PEBP4: variants seen among roughly 807,000 people sequenced by gnomAD.
PEBP4 encodes phosphatidylethanolamine binding protein 4.
In PEBP4, 22 loss-of-function variants were observed where a neutral mutation model predicts 23.9. The observed-to-expected ratio is 0.92, with a 90% CI of 0.66 to 1.31. The LOEUF is 1.31. Ranked by LOEUF, PEBP4 falls within the 40% of genes most tolerant of loss-of-function variation. The probability of loss-of-function intolerance (pLI) is 0.00; values close to 1 mark genes in which losing one functional copy is unlikely to be tolerated. For missense variants in PEBP4, 324 were observed against 281.7 expected (o/e 1.15, Z -1.07); for synonymous variants, 112 against 99.3 (o/e 1.13, Z -0.76).
chr8:22,849,473 C>T (rs1807507469), intron 3 of PEBP4, among the ~76,000 whole-genome samples: 1 of 152,200 alleles, frequency 6.6e-6, no homozygotes, highest in African/African-American at 2.4e-5. Context: ...GAAGACATGG[C>T]AACTTGGTAT....
chr8:22,782,298 G>A (rs944564069), intron 4 of PEBP4, among the ~76,000 whole-genome samples: 1 of 152,236 alleles, frequency 6.6e-6, no homozygotes, highest in Non-Finnish European at 1.5e-5. Context: ...GAGCAATCAT[G>A]TGAGCTATAA....
chr8:22,762,240 C>A (rs1356015891), intron 4 of PEBP4, among the ~76,000 whole-genome samples: 1 of 152,158 alleles, frequency 6.6e-6, no homozygotes, highest in South Asian at 2.1e-4. Flanking sequence ...TTTCTACCTC[C>A]CACCCCAGTG....
At chr8:22,882,565 C>T (rs1370018423) in intron 3 of PEBP4, among the ~76,000 whole-genome samples, 2 of 152,154 alleles carry the variant, frequency 1.3e-5, no homozygotes, top group African/African-American at 2.4e-5. Context: ...GACCGTGGCT[C>T]CCGGAGAGAA....
At chr8:22,918,737 C>T (rs540651099) in intron 3 of PEBP4, among the ~76,000 whole-genome samples, 5 of 152,288 alleles carry the variant, frequency 3.3e-5, no homozygotes, top group South Asian at 2.1e-4. Flanking sequence ...AGTCCTGTCC[C>T]GCAGAGTAGC....
intron 4 of PEBP4, among the ~76,000 whole-genome samples, chr8:22,794,191 G>A (rs1036821894): frequency 1.3e-5 from 2 of 152,124 alleles, no homozygotes; most frequent in South Asian, 4.1e-4. Context: ...ATAAATAACA[G>A]CGAACATTTA....
intron 3 of PEBP4, among the ~76,000 whole-genome samples, chr8:22,827,603 A>G (rs917641547): frequency 5.3e-5 from 8 of 152,254 alleles, no homozygotes; most frequent in African/African-American, 1.9e-4. Flanking sequence ...ATAATATTTC[A>G]TTGTATGGAT....
chr8:22,761,670 T>C (rs559294496), intron 4 of PEBP4, among the ~76,000 whole-genome samples: 1 of 152,218 alleles, frequency 6.6e-6, no homozygotes, highest in Non-Finnish European at 1.5e-5. Flanking sequence ...CTGCTTTAAA[T>C]GTACTCTTCA....
chr8:22,733,177 C>A (rs1804774956), intron 4 of PEBP4, among the ~76,000 whole-genome samples: 1 of 152,210 alleles, frequency 6.6e-6, no homozygotes, highest in Admixed American at 6.5e-5. Flanking sequence ...AGGAGAGAAA[C>A]CACAGAAGCT....
At chr8:22,847,317 G>A (rs1807459557) in intron 3 of PEBP4, among the ~76,000 whole-genome samples, 1 of 152,122 alleles carries the variant, frequency 6.6e-6, no homozygotes, top group Non-Finnish European at 1.5e-5. Flanking sequence ...CTGCTTTAGA[G>A]ATCTCTATAT....
At chr8:22,821,942 G>T (rs951128732) in intron 3 of PEBP4, among the ~76,000 whole-genome samples, 3 of 144,260 alleles carry the variant, frequency 2.1e-5, no homozygotes, top group Admixed American at 1.4e-4. Flanking sequence ...CCGAGATCGC[G>T]CCATTGCACT....
At chr8:22,908,385 CAAACAAACA>C (rs1304861619) in intron 3 of PEBP4, among the ~76,000 whole-genome samples, 2 of 142,290 alleles carry the variant, frequency 1.4e-5, no homozygotes, top group Non-Finnish European at 3.1e-5. Context: ...AACAAACAAA[CAAACAAACA>C]AAAAAAAAAA....
At chr8:22,893,248 C>G (rs1808529164) in intron 3 of PEBP4, among the ~76,000 whole-genome samples, 1 of 152,194 alleles carries the variant, frequency 6.6e-6, no homozygotes, top group South Asian at 2.1e-4. Context: ...AAACGCTGCT[C>G]TTGTCCTATT....
intron 3 of PEBP4, among the ~76,000 whole-genome samples, chr8:22,833,257 A>G (rs1437998953): frequency 6.6e-6 from 1 of 151,982 alleles, no homozygotes; most frequent in Non-Finnish European, 1.5e-5. Context: ...AGGGCCCTTG[A>G]CTCCTAAGGC....
chr8:22,837,552 T>A (rs149067121), intron 3 of PEBP4, among the ~76,000 whole-genome samples: 49 of 152,284 alleles, frequency 3.2e-4, no homozygotes, highest in African/African-American at 1.1e-3. Context: ...GCCCTGCACC[T>A]CTAGCTGTCA....
chr8:22,933,943 C>A (rs1210978698), intron 1 of PEBP4, among the ~76,000 whole-genome samples: 1 of 152,216 alleles, frequency 6.6e-6, no homozygotes, highest in Non-Finnish European at 1.5e-5. Flanking sequence ...AAGCCTCAGC[C>A]TTTTCCCACT....
At chr8:22,728,699 G>A (rs1160932581) in intron 4 of PEBP4, among the ~76,000 whole-genome samples, 2 of 151,630 alleles carry the variant, frequency 1.3e-5, no homozygotes, top group African/African-American at 2.4e-5. Flanking sequence ...CCAGGTTCAA[G>A]CGATTCTCCT....
chr8:22,912,981 C>T (rs903369406), intron 3 of PEBP4, among the ~76,000 whole-genome samples: 2 of 152,218 alleles, frequency 1.3e-5, no homozygotes, highest in Non-Finnish European at 2.9e-5. Flanking sequence ...GGCCTCCTGT[C>T]CCCTCTGCCT....
intron 4 of PEBP4, among the ~76,000 whole-genome samples, chr8:22,792,027 CT>C (rs34005416): frequency 4.9e-4 from 72 of 146,068 alleles, no homozygotes; most frequent in African/African-American, 5.0e-4. Context: ...TGGCTAAGAA[CT>C]TTTTTTTTTT....
chr8:22,812,623 G>T (rs912360823), intron 4 of PEBP4, among the ~76,000 whole-genome samples: 1 of 152,122 alleles, frequency 6.6e-6, no homozygotes, highest in Non-Finnish European at 1.5e-5. Flanking sequence ...TGCAAATACA[G>T]CTCTAAAGAC....
Sources: gnomAD v4.1 joint callset for allele counts (sites outside exome capture counted in the v4.1 genomes callset) on GRCh38, gnomAD v4.1.1 for gene constraint, MANE v1.5 for transcripts, NCBI Gene and HGNC (gene_info 2026-07-23, HGNC 2026-07-21) for gene names.